Variants in ANK2 observed in about 807,000 individuals in gnomAD.
The protein encoded by ANK2 is ankyrin-2.
In ANK2, 83 loss-of-function variants were observed where a neutral mutation model predicts 360.5. The observed-to-expected ratio is 0.23, with a 90% CI of 0.19 to 0.28. ANK2 has a LOEUF of 0.28. Ranked by LOEUF, ANK2 falls within the 10% of genes least tolerant of loss-of-function variation. The pLI, the probability that ANK2 is intolerant of heterozygous loss-of-function variation, is 1.00. For missense variants in ANK2, 4,201 were observed against 4,795.7 expected (o/e 0.88, Z 3.66); for synonymous variants, 1,740 against 1,759.5 (o/e 0.99, Z 0.28).
chr4:113,350,650 G>C (rs2095353986), intron 37 of ANK2: 1 of 185,874 alleles, frequency 5.4e-6, no homozygotes, highest in Non-Finnish European at 1.1e-5. Flanking sequence ...TCTGTAGAGA[G>C]CTCATTATTT....
At chr4:112,728,950 T>G in the ANK2 span, among the ~76,000 whole-genome samples, 1 of 152,142 alleles carries the variant, frequency 6.6e-6, no homozygotes, top group African/African-American at 2.4e-5. Context: ...CACACACCTG[T>G]GGTCCCAGCT....
At chr4:113,348,444 C>T in intron 36 of ANK2, 136 bp downstream of exon 36, 1 of 832,644 alleles carries the variant, frequency 1.2e-6, no homozygotes, top group South Asian at 1.5e-5. Context: ...TTTTACTTAA[C>T]CTCTCTAAGC....
At chr4:112,877,587 C>T (rs1158614996) in intron 1 of ANK2, among the ~76,000 whole-genome samples, 1 of 152,194 alleles carries the variant, frequency 6.6e-6, no homozygotes, top group Admixed American at 6.5e-5. Context: ...ACAGAATTTT[C>T]AGAGCCCAGG....
chr4:112,980,073 T>A (rs7697334), intron 2 of ANK2: 1 of 151,850 alleles, frequency 6.6e-6, no homozygotes, highest in Non-Finnish European at 1.5e-5. Flanking sequence ...GGGTTACCTT[T>A]AGGCCCAGGC....
chr4:113,017,368 T>TA (rs879325031), intron 2 of ANK2, among the ~76,000 whole-genome samples: 61 of 145,028 alleles, frequency 4.2e-4, no homozygotes, highest in East Asian at 1.4e-3. Flanking sequence ...TTTTTTTAAT[T>TA]AAAAAAAAAA....
At chr4:112,991,799 A>G (rs1266475121) in intron 2 of ANK2, among the ~76,000 whole-genome samples, 2 of 151,736 alleles carry the variant, frequency 1.3e-5, no homozygotes, top group East Asian at 3.9e-4. Context: ...CCTCAGATTC[A>G]TCACCTGCAG....
At position 112,957,327 on chromosome 4, in the gene ANK2, A is replaced by G. The variant is rs1349185960; in HGVS notation, c.21+52813A>G. Among the ~76,000 whole-genome samples, 5 of 152,194 alleles carry G rather than the reference A, an allele frequency of 3.3e-5. No individual in the cohort carries two copies. The East Asian group carries it at 5.8e-4, about 18-fold the overall frequency. On this transcript the variant is annotated intron_variant, in intron 2 of 30. Transcript: ENST00000503271. ...CACATGTTTCAGAGAGCACAGGGTT[A>G]GGGGTAAGATCACAGATCAACAGGA...
At chr4:113,038,543 A>G (rs1465460145) in intron 2 of ANK2, among the ~76,000 whole-genome samples, 1 of 151,748 alleles carries the variant, frequency 6.6e-6, no homozygotes, top group Non-Finnish European at 1.5e-5. Flanking sequence ...GGCCTAGTAC[A>G]TTTCCCAAGA....
chr4:113,049,894 G>T (rs1174548380), intron 1 of ANK2, 82 bp downstream of exon 1: 17 of 1,502,598 alleles, frequency 1.1e-5, no homozygotes, highest in Non-Finnish European at 1.6e-5. Flanking sequence ...GCAAGGCTAT[G>T]GAAACCGTGG....
At chr4:113,184,486 A>G (rs2098476578) in intron 2 of ANK2, among the ~76,000 whole-genome samples, 1 of 152,118 alleles carries the variant, frequency 6.6e-6, no homozygotes, top group African/African-American at 2.4e-5. Context: ...AGACAAAGAG[A>G]GGAAAGATCT....
chr4:113,207,996 T>G (rs2098974558), intron 4 of ANK2, among the ~76,000 whole-genome samples: 1 of 152,148 alleles, frequency 6.6e-6, no homozygotes, highest in South Asian at 2.1e-4. Flanking sequence ...AGAAATGGGC[T>G]ATCTGGAAGC....
intron 4 of ANK2, among the ~76,000 whole-genome samples, chr4:113,225,340 T>A (rs1003129301): frequency 3.3e-5 from 5 of 152,168 alleles, no homozygotes; most frequent in Non-Finnish European, 7.4e-5. Context: ...AATTGTCATT[T>A]TTTTTACTCT....
At chr4:113,320,806 C>T (rs2153861027) in intron 26 of ANK2, among the ~76,000 whole-genome samples, 1 of 152,214 alleles carries the variant, frequency 6.6e-6, no homozygotes, top group South Asian at 2.1e-4. Flanking sequence ...CTTAATAAGG[C>T]TTTGGTTATT....
Position 112,827,603 on chromosome 4 carries a change from A to G in ANK2, c.-40+9339A>G, listed in dbSNP as rs1439739819. 1.4e-5 allele frequency: 13 copies of G among 918,910 alleles called. No homozygotes were observed. In the East Asian group the frequency reaches 2.2e-4, roughly 15 times the overall value. The allele number at this position is 918,910 out of a possible 1,614,324, so 56.9% of individuals were successfully genotyped here. On this transcript the variant is annotated intron_variant, in intron 1 of 30. Coordinates refer to the ANK2 transcript ENST00000503271. ...CGAGCTCTATACCTGGCCCTTCTGAAGGGACCACTCTACTCTCCATCCAGA... is the reference window on the plus strand; with the variant it reads ...CGAGCTCTATACCTGGCCCTTCTGAGGGGACCACTCTACTCTCCATCCAGA...
intron 1 of ANK2, among the ~76,000 whole-genome samples, chr4:113,090,432 G>A (rs189780292): frequency 2.0e-5 from 3 of 152,238 alleles, no homozygotes; most frequent in South Asian, 2.1e-4. Flanking sequence ...TAGGTGAGAC[G>A]TTAGAACTTT....
intron 1 of ANK2, among the ~76,000 whole-genome samples, chr4:112,821,190 C>T (rs1397275301): frequency 1.3e-5 from 2 of 152,142 alleles, no homozygotes; most frequent in African/African-American, 4.8e-5. Flanking sequence ...GCTGGGATTA[C>T]AGGCATGAGC....
intron 4 of ANK2, among the ~76,000 whole-genome samples, chr4:113,202,975 T>C (rs1039407800): frequency 6.6e-6 from 1 of 152,248 alleles, no homozygotes; most frequent in Non-Finnish European, 1.5e-5. Context: ...GTATTGCCCC[T>C]GACCATGTAG....
At chr4:112,792,033 C>CTTTTTTTTT in the ANK2 span, among the ~76,000 whole-genome samples, 3 of 65,968 alleles carry the variant, frequency 4.5e-5, no homozygotes, top group African/African-American at 7.6e-5. Flanking sequence ...CACATCCTTT[C>CTTTTTTTTT]TTTTTTTTTT....
intron 1 of ANK2, among the ~76,000 whole-genome samples, chr4:112,845,202 AG>A (rs2063016131): frequency 6.6e-6 from 1 of 152,202 alleles, no homozygotes; most frequent in African/African-American, 2.4e-5. Flanking sequence ...AGCAAGTAAA[AG>A]AATGTGGAGT....
Sources: gnomAD v4.1 joint callset for allele counts (sites outside exome capture counted in the v4.1 genomes callset) on GRCh38, gnomAD v4.1.1 for gene constraint, MANE v1.5 for transcripts, NCBI Gene and HGNC (gene_info 2026-07-23, HGNC 2026-07-21) for gene names.